The following SIPA1L2 variants were observed in gnomAD, a reference collection of about 807,000 sequenced individuals.
SIPA1L2 encodes signal induced proliferation associated 1 like 2, also known as signal-induced proliferation-associated 1-like protein 2.
SIPA1L2 carries 56 observed loss-of-function variants against 163.9 expected under a neutral mutation model. The observed-to-expected ratio is 0.34, with a 90% CI of 0.28 to 0.43. The LOEUF (loss-of-function observed/expected upper bound fraction) is 0.43. Among genes scored for constraint, SIPA1L2 ranks in the 20% least tolerant of loss-of-function variants. The pLI, the probability that SIPA1L2 is intolerant of heterozygous loss-of-function variation, is 1.00. For missense variants in SIPA1L2, 1,974 were observed against 2,193.5 expected (o/e 0.90, Z 2.00); for synonymous variants, 877 against 865.7 (o/e 1.01, Z -0.23).
chr1:232,441,245 T>C (rs764182991), intron 14 of SIPA1L2, 46 bp downstream of exon 14: 5 of 1,431,706 alleles, frequency 3.5e-6, no homozygotes, highest in African/African-American at 1.5e-5. Context: ...CTGAGACAGA[T>C]CAGTCCTGGC....
chr1:232,563,959 G>A (rs1456404258), intron 2 of SIPA1L2, among the ~76,000 whole-genome samples: 72 of 53,862 alleles, frequency 1.3e-3, no homozygotes, highest in Non-Finnish European at 2.3e-3. Context: ...TTTTTTTCGT[G>A]TGTGTGTGTG....
intron 1 of SIPA1L2, among the ~76,000 whole-genome samples, chr1:232,590,623 C>T (rs1660909185): frequency 6.6e-6 from 1 of 152,162 alleles, no homozygotes; most frequent in Non-Finnish European, 1.5e-5. Flanking sequence ...CTTAGAGAAG[C>T]ACATGGCATT....
At chr1:232,587,580 C>T (rs1660738438) in intron 1 of SIPA1L2, among the ~76,000 whole-genome samples, 3 of 152,098 alleles carry the variant, frequency 2.0e-5, no homozygotes, top group Admixed American at 2.0e-4. Flanking sequence ...AATGTGTGTA[C>T]CTTACTACAC....
chr1:232,464,707 G>C (rs1159730380), intron 9 of SIPA1L2, 133 bp downstream of exon 9: 2 of 721,838 alleles, frequency 2.8e-6, no homozygotes, highest in Non-Finnish European at 4.3e-6. Flanking sequence ...TTAAAATTAA[G>C]CTCTGTATCT....
chr1:232,457,995 GA>G (rs976347746), intron 10 of SIPA1L2, among the ~76,000 whole-genome samples: 1 of 152,156 alleles, frequency 6.6e-6, no homozygotes, highest in Non-Finnish European at 1.5e-5. Context: ...TAGAAAATTG[GA>G]AAACTGAATT....
rs537003433 is a variant in SIPA1L2 at position 232,596,528 on chromosome 1, T to C, written c.-318-22306A>G. Among the ~76,000 whole-genome samples, 9 of 152,356 alleles carry C rather than the reference T, an allele frequency of 5.9e-5. No homozygotes were observed. The South Asian group carries it at 1.9e-3, about 32-fold the overall frequency. On this transcript the variant is annotated intron_variant, in intron 1 of 22. Coordinates refer to ENST00000674635, the MANE Select transcript of SIPA1L2 (RefSeq NM_020808.5). ...AATTTATTCATGCTATTATAAGACATTTAGAATTGCTTACAGAAAAATAAA... is the reference window on the plus strand; with the variant it reads ...AATTTATTCATGCTATTATAAGACACTTAGAATTGCTTACAGAAAAATAAA...
chr1:232,405,878 A>C (rs1660603660), intron 19 of SIPA1L2, among the ~76,000 whole-genome samples: 1 of 152,182 alleles, frequency 6.6e-6, no homozygotes, highest in Admixed American at 6.5e-5. Flanking sequence ...TTTTTACCTT[A>C]ATTGATAAAA....
At position 232,479,616 on chromosome 1, in the gene SIPA1L2, G is replaced by A; in HGVS notation, c.2085+11C>T. 6.2e-7 allele frequency: 1 copy of A among 1,609,250 alleles called. No individual in the cohort carries two copies. Among genetic ancestry groups the A allele is most frequent in the Non-Finnish European group, 8.5e-7 (1 of 1,175,792 alleles). On this transcript the variant is annotated intron_variant, in intron 7 of 22. Transcript: ENST00000674635. ...CTCAGCGTAAAAAGCTCCAGGCTGG[G>A]GAGGACATACCTGTTGTCTGTTGTT...
In SIPA1L2 at chr1:232,621,088, G is replaced by A. The variant is rs1662785359; in HGVS notation, c.-319+8781C>T. ...TTTCTTTTAATCTTGGCAAAGACTC[G>A]GGCTAAAAAAAATGTTCTCTGCATG... On this transcript the variant is annotated intron_variant, in intron 1 of 22. Transcript: ENST00000674635. Among the ~76,000 whole-genome samples, 4 of 151,970 alleles carry A rather than the reference G, an allele frequency of 2.6e-5. No homozygotes were observed. In the South Asian group the frequency reaches 6.2e-4, roughly 24 times the overall value.
At chr1:232,471,224 A>G in intron 8 of SIPA1L2, 147 bp downstream of exon 8, 2 of 833,720 alleles carry the variant, frequency 2.4e-6, no homozygotes, top group Non-Finnish European at 1.9e-6. Context: ...AAATGGGAAG[A>G]AGGCAATTAT....
chr1:232,625,872 T>TATA, intron 1 of SIPA1L2, among the ~76,000 whole-genome samples: 1 of 152,320 alleles, frequency 6.6e-6, no homozygotes, highest in South Asian at 2.1e-4. Context: ...ACAGAGATTA[T>TATA]ATAAAAGGAT....
At chr1:232,401,475 C>T (rs1246621414) in intron 22 of SIPA1L2, among the ~76,000 whole-genome samples, 1 of 152,194 alleles carries the variant, frequency 6.6e-6, no homozygotes, top group African/African-American at 2.4e-5. Context: ...TATACTCCCA[C>T]CACTCTTAGC....
chr1:232,533,069 C>T (rs542207825), intron 2 of SIPA1L2, among the ~76,000 whole-genome samples: 3 of 152,222 alleles, frequency 2.0e-5, no homozygotes, highest in South Asian at 4.1e-4. Flanking sequence ...CCCAAAGGCC[C>T]GTCTGTGGAC....
chr1:232,622,801 T>C (rs1662885753), intron 1 of SIPA1L2, among the ~76,000 whole-genome samples: 1 of 152,228 alleles, frequency 6.6e-6, no homozygotes, highest in Non-Finnish European at 1.5e-5. Flanking sequence ...GTATAAACTG[T>C]TGTTCAAGAT....
intron 2 of SIPA1L2, among the ~76,000 whole-genome samples, chr1:232,527,918 A>G (rs1275112917): frequency 6.7e-6 from 1 of 149,880 alleles, no homozygotes. Flanking sequence ...TAAAAATCCC[A>G]TTTTCTTATT....
Position 232,398,878 on chromosome 1 carries a change from G to A in SIPA1L2, c.*249C>T. On this transcript the variant is annotated 3_prime_UTR_variant, in exon 23 of 23. Transcript: ENST00000674635. ...AGTCTAAAAGAAAAAGGTCTCAACTGTCGCCAGGGTTTACATTCATCTTCA... is the reference window on the plus strand; with the variant it reads ...AGTCTAAAAGAAAAAGGTCTCAACTATCGCCAGGGTTTACATTCATCTTCA... 2.2e-6 allele frequency: 1 copy of A among 463,296 alleles called. No homozygotes were observed. 28.7% of individuals were successfully genotyped at this position (463,296 alleles called of 1,614,324 possible). A position where few individuals can be genotyped will look rare whatever the true frequency, so the allele number is the denominator to read the frequency against.
In SIPA1L2 at chr1:232,479,686, A is replaced by C; in HGVS notation, c.2026T>G (p.Tyr676Asp). The change falls in exon 7 of 23, where the codon TAC (tyrosine) becomes GAC (aspartate). Residue 676 changes from tyrosine (Y) to aspartate (D), a missense_variant. Transcript: ENST00000674635. ...GTTGACACGTGGAACATGAGTTCGT[A>C]GTCTTTGTATGTGGTATAGAGAGAG... ...THSLYTTYKDYELMFHVSTLL... is the reference protein window; with the variant it reads ...THSLYTTYKDDELMFHVSTLL... 6.2e-7 allele frequency: 1 copy of C among 1,613,846 alleles called. No individual in the cohort carries two copies.
chr1:232,433,819 T>C (rs532120136), intron 15 of SIPA1L2, among the ~76,000 whole-genome samples: 8 of 152,318 alleles, frequency 5.3e-5, no homozygotes, highest in Admixed American at 1.3e-4. Flanking sequence ...TCAGCAAACT[T>C]GACACGTGAG....
intron 7 of SIPA1L2, among the ~76,000 whole-genome samples, chr1:232,475,862 T>C (rs1251841365): frequency 1.3e-5 from 2 of 152,228 alleles, no homozygotes; most frequent in Non-Finnish European, 2.9e-5. Flanking sequence ...ATTATGAAGA[T>C]ATAAATGTCT....
Sources: gnomAD v4.1 joint callset for allele counts (sites outside exome capture counted in the v4.1 genomes callset) on GRCh38, gnomAD v4.1.1 for gene constraint, MANE v1.5 for transcripts, NCBI Gene and HGNC (gene_info 2026-07-23, HGNC 2026-07-21) for gene names.